Variants in GDA observed in about 807,000 individuals in gnomAD.
GDA encodes the protein cytoplasmic PSD-95 interactor.
GDA carries 18 observed loss-of-function variants against 59.6 expected under a neutral mutation model. The observed-to-expected ratio is 0.30, with a 90% CI of 0.21 to 0.45. The LOEUF is 0.45. Among genes scored for constraint, GDA ranks in the 20% least tolerant of loss-of-function variants. The pLI is 1.00. For synonymous variants in GDA, 201 were observed against 201.1 expected, an observed-to-expected ratio of 1.00 and a Z score of 0.00; for missense variants, 427 against 552.3, an observed-to-expected ratio of 0.77 and a Z score of 2.27.
Position 72,249,739 on chromosome 9 carries a change from A to G in GDA, c.*1397A>G. On this transcript the variant is annotated 3_prime_UTR_variant, in exon 14 of 14. Coordinates refer to ENST00000358399, the MANE Select transcript of GDA (RefSeq NM_004293.5). ...AGGAAAAGGAATAGACTTTCTTAATATATTATAACACTCATTCCTAGAGCT... is the reference window on the plus strand; with the variant it reads ...AGGAAAAGGAATAGACTTTCTTAATGTATTATAACACTCATTCCTAGAGCT... 1 of 823,742 alleles carries G rather than the reference A, an allele frequency of 1.2e-6. No homozygotes were observed. The highest frequency in any genetic ancestry group is 1.5e-6 in the Non-Finnish European group (1 of 682,708). The allele number at this position is 823,742 out of a possible 1,614,324, so 51.0% of individuals were successfully genotyped here. A position where few individuals can be genotyped will look rare whatever the true frequency, so the allele number is the denominator to read the frequency against.
At chr9:72,242,418 A>G (rs1028488932) in intron 11 of GDA, among the ~76,000 whole-genome samples, 1 of 152,252 alleles carries the variant, frequency 6.6e-6, no homozygotes, top group Non-Finnish European at 1.5e-5. Context: ...TTAGAATTAT[A>G]CATGTAATCA....
Position 72,239,566 on chromosome 9 carries a change from A to G in GDA, c.989-1586A>G, listed in dbSNP as rs560643738. Among the ~76,000 whole-genome samples the G allele has an allele frequency of 8.5e-5, 13 of 152,212 alleles. No homozygotes were observed. The South Asian group carries it at 1.5e-3, about 17-fold the overall frequency. Reference sequence around the variant, plus strand: ...ATTATAAAATATAGTTAGTCTTTACATATTTTATACCACATAGTGATATAA... The same window carrying G: ...ATTATAAAATATAGTTAGTCTTTACGTATTTTATACCACATAGTGATATAA... On this transcript the variant is annotated intron_variant, in intron 10 of 13. Coordinates refer to ENST00000358399, the MANE Select transcript of GDA (RefSeq NM_004293.5).
chr9:72,234,514 A>G (rs1323222652), intron 10 of GDA, among the ~76,000 whole-genome samples: 1 of 152,202 alleles, frequency 6.6e-6, no homozygotes, highest in Non-Finnish European at 1.5e-5. Flanking sequence ...ATGTGAGAAT[A>G]AAATCAACCA....
chr9:72,143,742 C>G (rs1445724698), intron 1 of GDA, among the ~76,000 whole-genome samples: 1 of 152,170 alleles, frequency 6.6e-6, no homozygotes, highest in Non-Finnish European at 1.5e-5. Flanking sequence ...CCCTACTTTT[C>G]TCATCTACAA....
intron 1 of GDA, among the ~76,000 whole-genome samples, chr9:72,127,754 T>C (rs772224321): frequency 1.1e-3 from 172 of 152,260 alleles, no homozygotes; most frequent in Admixed American, 2.8e-3. Context: ...TCTGATGTTA[T>C]CTGTCTTGTC....
intron 5 of GDA, chr9:72,214,837 G>T: frequency 4.5e-6 from 1 of 222,584 alleles, no homozygotes; most frequent in Non-Finnish European, 9.0e-6. Flanking sequence ...GTGTTCAAGA[G>T]ATTCTCCTGC....
At chr9:72,211,757 A>G (rs933764272) in intron 4 of GDA, among the ~76,000 whole-genome samples, 10 of 152,216 alleles carry the variant, frequency 6.6e-5, no homozygotes, top group Admixed American at 2.0e-4. Context: ...AGGAGTGTCA[A>G]TAGTGGATGC....
rs887353543 is a variant in GDA, at chr9:72,251,535, G to T, written c.*3193G>T. The stretch of plus-strand genomic sequence containing the variant: ...TGATGATTGCTGGAAACATTCACAC[G>T]CTTAAAAGCAATGGTGTGAGTTATT... On this transcript the variant is annotated 3_prime_UTR_variant, in exon 14 of 14. Transcript: ENST00000358399. 2.0e-5 allele frequency: 3 copies of T among 152,052 alleles called. No homozygotes were observed. Among genetic ancestry groups the T allele is most frequent in the Non-Finnish European group, 2.9e-5 (2 of 67,998 alleles). 9.4% of individuals were successfully genotyped at this position (152,052 alleles called of 1,614,324 possible). A position where few individuals can be genotyped will look rare whatever the true frequency, so the allele number is the denominator to read the frequency against.
At chr9:72,256,706 T>C (rs1001975841), downstream of GDA, among the ~76,000 whole-genome samples, 1 of 152,198 alleles carries the variant, frequency 6.6e-6, no homozygotes, top group African/African-American at 2.4e-5. Flanking sequence ...AGAATCACCA[T>C]GGGTGTTGGT....
chr9:72,141,941 C>T (rs975696890), intron 1 of GDA, among the ~76,000 whole-genome samples: 1 of 152,108 alleles, frequency 6.6e-6, no homozygotes, highest in African/African-American at 2.4e-5. Flanking sequence ...AGTGGCTTCC[C>T]GACTCTACTT....
intron 1 of GDA, among the ~76,000 whole-genome samples, chr9:72,163,858 G>A (rs1240835061): frequency 1.3e-5 from 2 of 152,132 alleles, no homozygotes; most frequent in Non-Finnish European, 2.9e-5. Context: ...AGGTGCAGGA[G>A]GCAGTTTCAG....
chr9:72,169,540 A>G (rs1829715609), intron 1 of GDA, among the ~76,000 whole-genome samples: 1 of 152,212 alleles, frequency 6.6e-6, no homozygotes, highest in African/African-American at 2.4e-5. Context: ...CTCTGAATGC[A>G]TGCTTTCTCC....
downstream of GDA, among the ~76,000 whole-genome samples, chr9:72,259,375 C>T (rs573199156): frequency 1.2e-3 from 178 of 152,292 alleles, no homozygotes; most frequent in Admixed American, 3.7e-3. Flanking sequence ...TGTCTTTCTA[C>T]GATGTGGCTC....
chr9:72,121,968 T>A (rs1825677816), intron 1 of GDA, among the ~76,000 whole-genome samples: 1 of 152,206 alleles, frequency 6.6e-6, no homozygotes. Flanking sequence ...CTAGTTTTTC[T>A]CCTATTTTAT....
At chr9:72,130,074 C>T (rs1825974385) in intron 1 of GDA, among the ~76,000 whole-genome samples, 1 of 152,156 alleles carries the variant, frequency 6.6e-6, no homozygotes, top group African/African-American at 2.4e-5. Flanking sequence ...ATGCACTGAG[C>T]AGTCACTGAG....
downstream of GDA, chr9:72,257,410 G>T (rs1056122856): frequency 6.6e-6 from 1 of 152,218 alleles, no homozygotes; most frequent in Admixed American, 6.5e-5. Flanking sequence ...CCCACGGTGA[G>T]TACATTCTTT....
chr9:72,203,640 G>A (rs1383350418), intron 3 of GDA, among the ~76,000 whole-genome samples: 9 of 152,000 alleles, frequency 5.9e-5, no homozygotes, highest in Admixed American at 2.6e-4. Flanking sequence ...GGTGTTCAGC[G>A]CACTTGGTCT....
At chr9:72,258,038 C>T (rs558448774), downstream of GDA, among the ~76,000 whole-genome samples, 19 of 150,948 alleles carry the variant, frequency 1.3e-4, no homozygotes, top group African/African-American at 2.9e-4. Context: ...AGGCCAGGTA[C>T]GGTGACTCAT....
At chr9:72,116,841 A>T in intron 1 of GDA, among the ~76,000 whole-genome samples, 1 of 152,098 alleles carries the variant, frequency 6.6e-6, no homozygotes, top group Non-Finnish European at 1.5e-5. Flanking sequence ...TTTGTTACAT[A>T]TGTATACATG....
Sources: allele counts gnomAD v4.1 joint callset (sites outside exome capture counted in the v4.1 genomes callset), GRCh38; gene constraint gnomAD v4.1.1; transcripts MANE v1.5; gene names NCBI Gene and HGNC (gene_info 2026-07-23, HGNC 2026-07-21).